PRIM1: variants seen among roughly 807,000 people sequenced by gnomAD.
The protein encoded by PRIM1 is DNA primase small subunit.
PRIM1 carries 38 observed loss-of-function variants against 60.2 expected under a neutral mutation model. The observed-to-expected ratio is 0.63, with a 90% confidence interval of 0.49 to 0.83. The LOEUF (loss-of-function observed/expected upper bound fraction) is 0.83. Among genes scored for constraint, PRIM1 ranks in the 40% least tolerant of loss-of-function variants. PRIM1 has a pLI of 0.00. For missense variants in PRIM1, 388 were observed against 506.2 expected (o/e 0.77, Z 2.24); for synonymous variants, 158 against 160.2 (o/e 0.99, Z 0.10).
At chr12:56,746,738 C>A (rs763801569) in intron 4 of PRIM1, 43 bp downstream of exon 4, 8 of 1,566,740 alleles carry the variant, frequency 5.1e-6, no homozygotes, top group Non-Finnish European at 7.0e-6. Flanking sequence ...AGAGGAAAAC[C>A]GATTCTTACA....
intron 11 of PRIM1, among the ~76,000 whole-genome samples, chr12:56,735,465 G>C (rs1386097281): frequency 6.6e-6 from 1 of 152,060 alleles, no homozygotes; most frequent in East Asian, 1.9e-4. Context: ...TGCAATTGCA[G>C]CTCACTGCAG....
At chr12:56,733,001 C>T (rs1476014107) in intron 12 of PRIM1, among the ~76,000 whole-genome samples, 1 of 151,242 alleles carries the variant, frequency 6.6e-6, no homozygotes, top group African/African-American at 2.4e-5. Flanking sequence ...ATTACAGGCG[C>T]ACAATACCAC....
rs745514011 is a variant in PRIM1, at chr12:56,751,020, T to C, written c.261+18A>G. 1.4e-5 allele frequency: 19 copies of C among 1,400,398 alleles called. No homozygotes were observed. The highest frequency in any genetic ancestry group is 7.4e-5 in the African/African-American group (5 of 67,416). The allele number at this position is 1,400,398 out of a possible 1,614,324, so 86.7% of individuals were successfully genotyped here. A position where few individuals can be genotyped will look rare whatever the true frequency, so the allele number is the denominator to read the frequency against. ...TACAAAATAAAACAACAAAATATAT[T>C]AAAAAAAGATTTCTTACTCTGTGAG... On this transcript the variant is annotated intron_variant, in intron 2 of 12. Transcript: ENST00000338193.
chr12:56,735,749 C>A (rs1385300161), intron 11 of PRIM1, among the ~76,000 whole-genome samples: 1 of 150,532 alleles, frequency 6.6e-6, no homozygotes, highest in African/African-American at 2.4e-5. Context: ...CTCCTGGGTT[C>A]AAGCGATTCT....
Position 56,752,319 on chromosome 12 carries a change from GT to G in PRIM1, c.-22del. 1.3e-6 allele frequency: 2 copies of G among 1,527,910 alleles called. No homozygotes were observed. The highest frequency in any genetic ancestry group is 8.9e-7 in the Non-Finnish European group (1 of 1,124,482). The allele number at this position is 1,527,910 out of a possible 1,614,324, so 94.6% of individuals were successfully genotyped here. On this transcript the variant is annotated 5_prime_UTR_variant, in exon 1 of 13. Transcript: ENST00000338193. ...TCCATTGAGCGCGGAACTCGCCACG[GT>G]AAGGATTACCACAGGAATTGGCGGG...
intron 7 of PRIM1, among the ~76,000 whole-genome samples, chr12:56,742,735 T>C (rs918950102): frequency 1.3e-5 from 2 of 152,238 alleles, no homozygotes; most frequent in African/African-American, 2.4e-5. Flanking sequence ...ATTTTGACTA[T>C]GTAATTCACC....
chr12:56,746,082 A>C lies in PRIM1; in HGVS notation c.542T>G (p.Val181Gly), dbSNP rs1953904695. 1 of 1,612,988 alleles carries C rather than the reference A, an allele frequency of 6.2e-7. No individual in the cohort carries two copies. Among genetic ancestry groups the C allele is most frequent in the Admixed American group, 1.7e-5 (1 of 59,766 alleles). Residue 181 changes from valine to glycine, a missense_variant, in exon 5 of 13, where the codon GTA becomes GGA. Around this residue, in one of 3 missense-constraint regions of PRIM1, gnomAD observed 21 missense variants for 52.5 expected, o/e 0.40. Coordinates refer to ENST00000338193, the MANE Select transcript of PRIM1 (RefSeq NM_000946.3). ...CAAATACTCAACTATCCCAGAACGT[A>C]CTGCAGAAGACAGTTTTCTAACTGA... Reference protein sequence around the residue: ...DESVRKLSSAVRSGIVEYLSL... With the variant: ...DESVRKLSSAGRSGIVEYLSL...
intron 5 of PRIM1, among the ~76,000 whole-genome samples, chr12:56,745,379 C>A (rs1265192119): frequency 1.3e-5 from 2 of 151,822 alleles, no homozygotes; most frequent in Non-Finnish European, 2.9e-5. Context: ...TTACCGTACT[C>A]CAGCCTGGGT....
In PRIM1 at chr12:56,749,210, T is replaced by C. The variant is rs574315287; in HGVS notation, c.261+1828A>G. On this transcript the variant is annotated intron_variant, in intron 2 of 12. Coordinates refer to ENST00000338193, the MANE Select transcript of PRIM1 (RefSeq NM_000946.3). Reference sequence around the variant, plus strand: ...TTTTGGTAGAGACAGAGTTTTACCATGTTGGCCAGGCTGGTCTTGAACTCC... The same window carrying C: ...TTTTGGTAGAGACAGAGTTTTACCACGTTGGCCAGGCTGGTCTTGAACTCC... 2.6e-5 allele frequency among the ~76,000 whole-genome samples: 4 copies of C among 152,190 alleles called. No individual in the cohort carries two copies. In the East Asian group the frequency reaches 7.7e-4, roughly 29 times the overall value.
intron 12 of PRIM1, among the ~76,000 whole-genome samples, chr12:56,733,162 T>G (rs1953796391): frequency 6.8e-6 from 1 of 146,282 alleles, no homozygotes; most frequent in Admixed American, 6.9e-5. Flanking sequence ...GCCTAGGGTT[T>G]TTTTTTTTTT....
chr12:56,745,403 C>T (rs368628320), intron 5 of PRIM1, among the ~76,000 whole-genome samples: 1 of 150,446 alleles, frequency 6.6e-6, no homozygotes, highest in Non-Finnish European at 1.5e-5. Context: ...AGGGTGAGAC[C>T]GTGTCTCAAA....
In PRIM1 at chr12:56,752,244, T is replaced by G. The variant is rs1565908531; in HGVS notation, c.55A>C (p.Arg19=). 6.2e-7 allele frequency: 1 copy of G among 1,603,184 alleles called. No individual in the cohort carries two copies. Among genetic ancestry groups the G allele is most frequent in the East Asian group, 2.3e-5 (1 of 44,436 alleles). Residue 19 remains arginine (R), a synonymous_variant, in exon 1 of 13, where the codon AGG becomes CGG. Coordinates refer to ENST00000338193, the MANE Select transcript of PRIM1 (RefSeq NM_000946.3). Reference sequence around the variant, plus strand: ...TAGTACTGAGAGTAGGGAAAGAGCCTCCGGTAATAAAGTTTAAGCAGCTCG... The same window carrying G: ...TAGTACTGAGAGTAGGGAAAGAGCCGCCGGTAATAAAGTTTAAGCAGCTCG... ...LPELLKLYYR[R]LFPYSQYYRW...
intron 9 of PRIM1, 41 bp from the exon 10 acceptor site, chr12:56,739,404 T>A: frequency 1.5e-6 from 2 of 1,348,250 alleles, no homozygotes; most frequent in Non-Finnish European, 2.0e-6. Flanking sequence ...TTGTGGACTA[T>A]AAATCATTAT....
chr12:56,752,184 C>T lies in PRIM1; in HGVS notation c.103+12G>A, dbSNP rs1259330258. The T allele has an allele frequency of 1.3e-6, 2 of 1,565,860 alleles. No homozygotes were observed. The highest frequency in any genetic ancestry group is 2.3e-5 in the East Asian group (1 of 43,306). ...ACACTCCGCTCCCGAACCCATTCCT[C>T]GCCTCCATCACCTCCACCGTAGTTG... On this transcript the variant is annotated intron_variant, in intron 1 of 12. Transcript: ENST00000338193.
intron 7 of PRIM1, 144 bp downstream of exon 7, chr12:56,742,843 A>C: frequency 1.6e-6 from 1 of 620,916 alleles, no homozygotes; most frequent in South Asian, 2.4e-5. Context: ...AGAGATACTA[A>C]AATCCAGAAA....
chr12:56,741,014 A>C (rs773385358), intron 9 of PRIM1, among the ~76,000 whole-genome samples: 3 of 152,072 alleles, frequency 2.0e-5, no homozygotes, highest in Non-Finnish European at 4.4e-5. Flanking sequence ...GTGTTTAGAC[A>C]TGTGGCCTAG....
At chr12:56,734,299 T>C (rs1953807066) in intron 11 of PRIM1, 54 bp from the exon 12 acceptor site, 2 of 1,134,920 alleles carry the variant, frequency 1.8e-6, no homozygotes, top group East Asian at 2.4e-5. Flanking sequence ...AAGAATAACA[T>C]GAAAACACAA....
chr12:56,746,675 C>CACAA (rs1491154824), intron 4 of PRIM1, 106 bp downstream of exon 4: 21 of 304,976 alleles, frequency 6.9e-5, no homozygotes, highest in South Asian at 4.6e-4. Flanking sequence ...CACACACACA[C>CACAA]AAATTAATGA....
chr12:56,736,381 T>C (rs960503513), intron 11 of PRIM1, among the ~76,000 whole-genome samples: 8 of 144,424 alleles, frequency 5.5e-5, no homozygotes, highest in South Asian at 2.2e-4. Context: ...TGATACCCAA[T>C]GGGAAAATAT....
Sources: allele counts gnomAD v4.1 joint callset (sites outside exome capture counted in the v4.1 genomes callset), GRCh38; gene constraint gnomAD v4.1.1; regional missense constraint gnomAD v4.1.1; transcripts MANE v1.5; gene names NCBI Gene and HGNC (gene_info 2026-07-23, HGNC 2026-07-21).